The following CLNK variants were observed in gnomAD, a reference collection of about 807,000 sequenced individuals.
CLNK encodes cytokine-dependent hematopoietic cell linker.
A neutral mutation model predicts 68.6 loss-of-function variants in CLNK; 74 were observed. The ratio of observed to expected loss-of-function variants is 1.08; its 90% CI spans 0.89 to 1.31. The LOEUF is 1.31. Among genes scored for constraint, CLNK ranks in the 50% most tolerant of loss-of-function variants. CLNK has a pLI of 0.00. For missense variants in CLNK, 553 were observed against 515.3 expected (o/e 1.07, Z -0.71); for synonymous variants, 198 against 172.2 (o/e 1.15, Z -1.17).
At chr4:10,656,069 T>G in intron 2 of CLNK, among the ~76,000 whole-genome samples, 1 of 152,042 alleles carries the variant, frequency 6.6e-6, no homozygotes, top group East Asian at 1.9e-4. Context: ...TTGCAGGCTA[T>G]TAAAGATTTA....
chr4:10,508,772 G>A (rs1242010712), intron 16 of CLNK, among the ~76,000 whole-genome samples: 2 of 152,168 alleles, frequency 1.3e-5, no homozygotes, highest in Non-Finnish European at 2.9e-5. Context: ...GGCATGTCAT[G>A]TAGTATAGAC....
At chr4:10,556,843 C>T (rs748332118) in intron 8 of CLNK, among the ~76,000 whole-genome samples, 63 of 152,008 alleles carry the variant, frequency 4.1e-4, no homozygotes, top group Non-Finnish European at 2.5e-4. Flanking sequence ...TTTGGGAGGC[C>T]GAGGTGGGCA....
intron 2 of CLNK, among the ~76,000 whole-genome samples, chr4:10,655,640 T>A (rs1049992686): frequency 1.2e-4 from 1 of 8,606 alleles, no homozygotes. Context: ...AGATAGCATT[T>A]TTTTTTTTTT....
At chr4:10,571,612 A>G in intron 5 of CLNK, 129 bp downstream of exon 5, 5 of 697,632 alleles carry the variant, frequency 7.2e-6, no homozygotes, top group Non-Finnish European at 1.2e-5. Context: ...CTGGGATTAC[A>G]GGTGTGAACC....
chr4:10,634,320 C>T (rs1386945959), intron 2 of CLNK, among the ~76,000 whole-genome samples: 2 of 152,182 alleles, frequency 1.3e-5, no homozygotes, highest in East Asian at 1.9e-4. Flanking sequence ...GAGGTGTCCC[C>T]CACGTTAGCA....
chr4:10,553,197 C>G (rs1364952045), intron 8 of CLNK, among the ~76,000 whole-genome samples: 3 of 152,084 alleles, frequency 2.0e-5, no homozygotes, highest in East Asian at 3.8e-4. Context: ...ACTGTGAACC[C>G]AGAATTGAAA....
At chr4:10,680,198 T>C (rs909410442) in intron 1 of CLNK, among the ~76,000 whole-genome samples, 1 of 151,926 alleles carries the variant, frequency 6.6e-6, no homozygotes, top group African/African-American at 2.4e-5. Flanking sequence ...TAAAAAATGA[T>C]GAGTTCATGT....
intron 2 of CLNK, among the ~76,000 whole-genome samples, chr4:10,617,129 G>A (rs1370124317): frequency 1.3e-5 from 2 of 151,992 alleles, no homozygotes; most frequent in Admixed American, 1.3e-4. Flanking sequence ...TTCAAGAATA[G>A]CAACACAAAA....
At chr4:10,687,720 A>G (rs4501215), upstream of CLNK, among the ~76,000 whole-genome samples, 76,097 of 151,900 alleles carry the variant, frequency 0.5, 19,100 homozygotes, top group South Asian at 0.56. Flanking sequence ...AAGAGGCTCA[A>G]TCTCAGGCCA....
chr4:10,638,613 G>A (rs1351679552), intron 2 of CLNK, among the ~76,000 whole-genome samples: 1 of 152,154 alleles, frequency 6.6e-6, no homozygotes, highest in Non-Finnish European at 1.5e-5. Context: ...TATTGACACT[G>A]GTGTTACTAT....
In CLNK at chr4:10,501,367, T is replaced by C. The variant is rs771806831; in HGVS notation, c.1029A>G (p.Glu343=). The change falls in exon 18 of 19, where the codon GAA becomes GAG. Residue 343 remains glutamate (E), a synonymous_variant. Coordinates refer to ENST00000226951, the MANE Select transcript of CLNK (RefSeq NM_052964.4). ...LVRDCSTKSK[E]EPYVLAVFYE... ...AAAACACAGCCAAAACATAGGGCTC[T>C]TCCTTGGATTTTGTGGAACAATCTC... 8.7e-6 allele frequency: 14 copies of C among 1,609,758 alleles called. No homozygotes were observed. In the South Asian group the frequency reaches 1.6e-4, roughly 18 times the overall value.
At chr4:10,582,248 T>G (rs1488303411) in intron 4 of CLNK, among the ~76,000 whole-genome samples, 2 of 152,202 alleles carry the variant, frequency 1.3e-5, no homozygotes, top group African/African-American at 4.8e-5. Context: ...TTGCAGCATC[T>G]GGAAACAGCC....
Position 10,486,564 on chromosome 4 carries a change from A to G in CLNK, c.*3903T>C, listed in dbSNP as rs1716364685. 6.6e-6 allele frequency: 1 copy of G among 152,192 alleles called. No individual in the cohort carries two copies. Among genetic ancestry groups the G allele is most frequent in the Non-Finnish European group, 1.5e-5 (1 of 68,034 alleles). 9.4% of individuals were successfully genotyped at this position (152,192 alleles called of 1,614,324 possible). ...AATTTGTATTTGTGTACACACATAC[A>G]TAATTGGCTACATTCGACAATGGGG... On this transcript the variant is annotated 3_prime_UTR_variant, in exon 19 of 19. Transcript: ENST00000226951.
At chr4:10,636,873 T>C (rs1365408430) in intron 2 of CLNK, among the ~76,000 whole-genome samples, 1 of 152,218 alleles carries the variant, frequency 6.6e-6, no homozygotes, top group Non-Finnish European at 1.5e-5. Context: ...TTCCCAGTTC[T>C]TCAGAGTAGA....
At chr4:10,706,891 C>T in the CLNK span, among the ~76,000 whole-genome samples, 1 of 152,100 alleles carries the variant, frequency 6.6e-6, no homozygotes, top group Non-Finnish European at 1.5e-5. Flanking sequence ...AATTTCTGGC[C>T]GTGATGGGAA....
At chr4:10,718,539 T>C in the CLNK span, among the ~76,000 whole-genome samples, 1 of 151,806 alleles carries the variant, frequency 6.6e-6, no homozygotes, top group East Asian at 1.9e-4. Flanking sequence ...GCATTTTATA[T>C]CTAGTAAAAT....
At chr4:10,689,419 G>A (rs1473264801), upstream of CLNK, among the ~76,000 whole-genome samples, 1 of 152,010 alleles carries the variant, frequency 6.6e-6, no homozygotes, top group African/African-American at 2.4e-5. Context: ...ACAGGCGTGA[G>A]CCACTACACC....
chr4:10,656,431 T>C (rs1366746837), intron 2 of CLNK: 1 of 151,414 alleles, frequency 6.6e-6, no homozygotes, highest in Non-Finnish European at 1.5e-5. Flanking sequence ...TCTGAAAGGA[T>C]GCTTAGCTAC....
At chr4:10,638,253 C>T (rs1723173041) in intron 2 of CLNK, among the ~76,000 whole-genome samples, 1 of 152,194 alleles carries the variant, frequency 6.6e-6, no homozygotes, top group South Asian at 2.1e-4. Context: ...CCTGGGAAAA[C>T]TTTCACTATT....
Sources: allele counts gnomAD v4.1 joint callset (sites outside exome capture counted in the v4.1 genomes callset), GRCh38; gene constraint gnomAD v4.1.1; transcripts MANE v1.5; gene names NCBI Gene and HGNC (gene_info 2026-07-23, HGNC 2026-07-21).